ANO7: variants seen among roughly 807,000 people sequenced by gnomAD.
ANO7 encodes anoctamin 7, also known as anoctamin-7.
ANO7 carries 114 observed loss-of-function variants against 115.8 expected under a neutral mutation model. That is an observed-to-expected ratio of 0.98 (90% CI 0.85 to 1.15). The LOEUF is 1.15. Among genes scored for constraint, ANO7 ranks in the 50% most tolerant of loss-of-function variants. The pLI, the probability that ANO7 is intolerant of heterozygous loss-of-function variation, is 0.00. For synonymous variants in ANO7, 550 were observed against 498.2 expected (o/e 1.10, Z -1.38); for missense variants, 1,302 against 1,201.2 (o/e 1.08, Z -1.24).
At chr2:241,235,438 G>T in the ANO7 span, 1 of 1,485,826 alleles carries the variant, frequency 6.7e-7, no homozygotes, top group Non-Finnish European at 9.4e-7. Context: ...GCACTCGGGA[G>T]AGGATGCGAC....
chr2:241,230,061 A>C, downstream of ANO7: 4 of 1,583,748 alleles, frequency 2.5e-6, no homozygotes, highest in Non-Finnish European at 3.5e-6. The surrounding 1 kb of genome is among the most constrained non-coding windows in gnomAD (Gnocchi z 5.0). Context: ...TGGAAACACA[A>C]GTGCCACCTT....
chr2:241,230,696 C>T (rs1430410506), downstream of ANO7: 3 of 1,454,740 alleles, frequency 2.1e-6, no homozygotes, highest in African/African-American at 4.2e-5. This position sits in a 1 kb window ranked among gnomAD's most constrained non-coding sequence, Gnocchi z 5.0. Context: ...GCTCTTTCTT[C>T]TGGCCAGCCA....
At chr2:241,198,330 C>T (rs1399906857) in intron 4 of ANO7, among the ~76,000 whole-genome samples, 1 of 152,218 alleles carries the variant, frequency 6.6e-6, no homozygotes, top group Non-Finnish European at 1.5e-5. Context: ...ACAGCCACCC[C>T]ACTCCTGAGT....
rs2149090552 is a variant in ANO7, at chr2:241,190,190, CTG to C, written c.108+22_108+23del. ...CTCGGAGGTAACAGCACCCAGGAGA[CTG>C]TGGTGCGACTTGAGAGGTCCTCCCC... On this transcript the variant is annotated intron_variant, in intron 2 of 24. Transcript: ENST00000674324. The C allele has an allele frequency of 9.1e-6, 14 of 1,546,256 alleles. No homozygotes were observed. The highest frequency in any genetic ancestry group is 4.9e-5 in the East Asian group (2 of 40,968).
At chr2:241,235,496 C>A in the ANO7 span, 1 of 1,613,246 alleles carries the variant, frequency 6.2e-7, no homozygotes, top group African/African-American at 1.3e-5. Flanking sequence ...CTACCTCAAA[C>A]TCATCCATCA....
At position 241,214,837 on chromosome 2, in the gene ANO7, A is replaced by T. The variant is rs778042967; in HGVS notation, c.1761A>T (p.Ala587=). The T allele has an allele frequency of 6.2e-7, 1 of 1,612,470 alleles. No individual in the cohort carries two copies. Among genetic ancestry groups the T allele is most frequent in the East Asian group, 2.2e-5 (1 of 44,888 alleles). The change falls in exon 18 of 25, where the codon GCA becomes GCT. Residue 587 remains alanine, a synonymous_variant. Coordinates refer to ENST00000674324, the MANE Select transcript of ANO7 (RefSeq NM_001370694.2). ...CAAGGCLIEL[A]QELLVIMVGK... ...CTGGAGGCTGCCTGATCGAGCTGGC[A>T]CAGGAGCTCCTGGTCATCATGGTGG...
intron 17 of ANO7, among the ~76,000 whole-genome samples, chr2:241,214,484 G>A (rs1241189869): frequency 2.0e-5 from 3 of 152,156 alleles, no homozygotes; most frequent in Non-Finnish European, 4.4e-5. Context: ...GGCCTGCCTC[G>A]TGGGTCTGTC....
intron 11 of ANO7, among the ~76,000 whole-genome samples, chr2:241,208,958 G>C (rs953876275): frequency 1.1e-4 from 16 of 152,114 alleles, no homozygotes; most frequent in Non-Finnish European, 2.2e-4. Context: ...GACCATCCTG[G>C]CTAACACGGT....
chr2:241,190,071 G>GTA lies in ANO7; in HGVS notation c.8_9insTA (p.Arg4SerfsTer12). The GTA allele has an allele frequency of 6.3e-7, 1 of 1,575,314 alleles. No homozygotes were observed. Among genetic ancestry groups the GTA allele is most frequent in the South Asian group, 1.2e-5 (1 of 85,688 alleles). ...GCTGGGTGCAGGAGCAGGATGCTGC[G>GTA]GCGACGGGCCCAGGAAGAGGACAGC... On this transcript the variant is annotated frameshift_variant, in exon 2 of 25. Coordinates refer to ENST00000674324, the MANE Select transcript of ANO7 (RefSeq NM_001370694.2). LOFTEE classifies it high-confidence loss of function.
chr2:241,236,112 A>C, the ANO7 span: 1 of 187,790 alleles, frequency 5.3e-6, no homozygotes, highest in Non-Finnish European at 1.1e-5. Context: ...ATTTACCATC[A>C]CTTGCCACAG....
At position 241,225,629 on chromosome 2, in the gene ANO7, G is replaced by A. The variant is rs530498301; in HGVS notation, c.*1476G>A. Among the ~76,000 whole-genome samples, 3 of 152,146 alleles carry A rather than the reference G, an allele frequency of 2.0e-5. No individual in the cohort carries two copies. The highest frequency in any genetic ancestry group is 2.1e-4 in the South Asian group (1 of 4,820). On this transcript the variant is annotated 3_prime_UTR_variant, in exon 25 of 25. Coordinates refer to ENST00000674324, the MANE Select transcript of ANO7 (RefSeq NM_001370694.2). ...CCTCTTTCTGAACATCCTCGCCTGC[G>A]TTCTATTTCACCCACCGTGATGCCT... is the stretch of plus-strand genomic sequence containing the variant.
chr2:241,209,410 T>C lies in ANO7; in HGVS notation c.1203T>C (p.Ser401=). 6.3e-7 allele frequency: 1 copy of C among 1,589,048 alleles called. No individual in the cohort carries two copies. The highest frequency in any genetic ancestry group is 8.6e-7 in the Non-Finnish European group (1 of 1,168,578). Residue 401 remains serine, a synonymous_variant, in exon 12 of 25, where the codon TCT becomes TCC. Transcript: ENST00000674324. ...CGCTGGCCTACCGCTGGGACTGCTC[T>C]GACTACGAGGACACTGAGGTGAGCC... ...SATLAYRWDC[S]DYEDTEERPR...
At chr2:241,196,553 T>A (rs1396817292) in intron 4 of ANO7, among the ~76,000 whole-genome samples, 1 of 152,260 alleles carries the variant, frequency 6.6e-6, no homozygotes, top group African/African-American at 2.4e-5. Flanking sequence ...TTTATGTTCA[T>A]CCCACTCGGG....
downstream of ANO7, among the ~76,000 whole-genome samples, chr2:241,226,447 T>C (rs1160007623): frequency 2.0e-5 from 3 of 151,438 alleles, no homozygotes; most frequent in Non-Finnish European, 3.0e-5. Flanking sequence ...TTTTTTGAGA[T>C]GGAGTCTCGC....
chr2:241,201,523 G>C (rs1315371901), intron 7 of ANO7, among the ~76,000 whole-genome samples, 168 bp downstream of exon 7: 1 of 152,216 alleles, frequency 6.6e-6, no homozygotes, highest in Admixed American at 6.5e-5. Flanking sequence ...TCGCTACACA[G>C]GGCAGGCCAT....
rs913992813 is a variant in ANO7, at chr2:241,217,823, C to T, written c.2110C>T (p.Arg704Cys). The T allele has an allele frequency of 1.3e-5, 21 of 1,609,516 alleles. No homozygotes were observed. Among genetic ancestry groups the T allele is most frequent in the Non-Finnish European group, 1.7e-5 (20 of 1,178,874 alleles). The change falls in exon 20 of 25, where the codon CGC becomes TGC. Residue 704 changes from arginine to cysteine, a missense_variant. Arg to Cys is a radical substitution (Grantham distance 180). Transcript: ENST00000674324. ...VCEYRRPVAERAQDIGIWFHI... is the reference protein window; with the variant it reads ...VCEYRRPVAECAQDIGIWFHI... ...CGAGTACCGGCGCCCGGTGGCCGAG[C>T]GCGCCCAGGACATCGGCATCTGGTT...
Position 241,207,663 on chromosome 2 carries a change from T to C in ANO7, c.1070T>C (p.Leu357Pro). 1 of 1,613,644 alleles carries C rather than the reference T, an allele frequency of 6.2e-7. No individual in the cohort carries two copies. The highest frequency in any genetic ancestry group is 8.5e-7 in the Non-Finnish European group (1 of 1,179,916). The change falls in exon 11 of 25, where the codon CTG (leucine) becomes CCG (proline). Residue 357 changes from leucine to proline, a missense_variant. Transcript: ENST00000674324. ...PFWLLSSACALAQAGRLFDHG... is the reference protein window; with the variant it reads ...PFWLLSSACAPAQAGRLFDHG... ...TGGCTGCTCTCCAGCGCCTGTGCCCTGGCCCAGGTACGAGAAGAGGTGGGT... is the reference window on the plus strand; with the variant it reads ...TGGCTGCTCTCCAGCGCCTGTGCCCCGGCCCAGGTACGAGAAGAGGTGGGT...
At position 241,188,913 on chromosome 2, in the gene ANO7, G is replaced by A. The variant is rs1426524826; in HGVS notation, c.-8+147G>A. ...GCCAGGGCCCGCCCTGGTCCCCAAA[G>A]CCCCTTGGGGCACGAGGAGGGACAC... On this transcript the variant is annotated intron_variant, in intron 1 of 24. Coordinates refer to ENST00000674324, the MANE Select transcript of ANO7 (RefSeq NM_001370694.2). The surrounding 1 kb of genome is among the most constrained non-coding windows in gnomAD (Gnocchi z 4.3). The A allele has an allele frequency of 4.5e-6, 5 of 1,104,496 alleles. No homozygotes were observed. In the East Asian group the frequency reaches 1.3e-4, roughly 29 times the overall value. 68.4% of individuals were successfully genotyped at this position (1,104,496 alleles called of 1,614,324 possible).
rs372997735 is a variant in ANO7 at position 241,210,588 on chromosome 2, G to A, written c.1561+18G>A. ...ACGATGGGGTGAGTGGGCTGAGGCC[G>A]GCCAGGCACTGACCAGGGGCCCACC... On this transcript the variant is annotated intron_variant, in intron 15 of 24. Coordinates refer to ENST00000674324, the MANE Select transcript of ANO7 (RefSeq NM_001370694.2). 739 of 1,608,468 alleles carry A rather than the reference G, an allele frequency of 4.6e-4. No individual in the cohort carries two copies. Among genetic ancestry groups the A allele is most frequent in the Non-Finnish European group, 5.7e-4 (666 of 1,175,944 alleles).
Sources: allele counts gnomAD v4.1 joint callset (sites outside exome capture counted in the v4.1 genomes callset), GRCh38; gene constraint gnomAD v4.1.1; non-coding constraint Gnocchi (gnomAD v3.1); transcripts MANE v1.5; gene names NCBI Gene and HGNC (gene_info 2026-07-23, HGNC 2026-07-21).